GNB4: variants seen among roughly 807,000 people sequenced by gnomAD.
The protein encoded by GNB4 is guanine nucleotide-binding protein subunit beta-4.
Under a neutral mutation model 45.2 loss-of-function variants are expected in GNB4, and 28 were observed. That is an observed-to-expected ratio of 0.62 (90% CI 0.46 to 0.85). The LOEUF (loss-of-function observed/expected upper bound fraction) is 0.85, where lower values mean the gene tolerates loss of function less well. GNB4 is among the 40% of genes least tolerant of loss of function. The pLI is 0.00. For synonymous variants in GNB4, 132 were observed against 143.7 expected (o/e 0.92, Z 0.58); for missense variants, 321 against 425.4 (o/e 0.75, Z 2.16).
chr3:179,514,922 G>C, the GNB4 span, among the ~76,000 whole-genome samples: 1 of 152,172 alleles, frequency 6.6e-6, no homozygotes, highest in Non-Finnish European at 1.5e-5. Flanking sequence ...CTAAAGAATA[G>C]GCTTTAGAAT....
At chr3:179,521,448 T>C in the GNB4 span, among the ~76,000 whole-genome samples, 1 of 152,212 alleles carries the variant, frequency 6.6e-6, no homozygotes, top group Admixed American at 6.5e-5. Context: ...GATGCTCCTT[T>C]TTATTAGGCC....
intron 4 of GNB4, among the ~76,000 whole-genome samples, chr3:179,418,367 G>C (rs1714864166): frequency 6.7e-6 from 1 of 150,206 alleles, no homozygotes; most frequent in African/African-American, 2.5e-5. Context: ...CTACTTGGGA[G>C]GCTGAAGCAG....
chr3:179,490,787 A>C, the GNB4 span, among the ~76,000 whole-genome samples: 29 of 152,250 alleles, frequency 1.9e-4, no homozygotes, highest in African/African-American at 6.3e-4. Context: ...CACTGAGTCC[A>C]CTCAGATGCA....
intron 2 of GNB4, among the ~76,000 whole-genome samples, chr3:179,423,108 T>C (rs567207546): frequency 6.6e-6 from 1 of 152,208 alleles, no homozygotes; most frequent in East Asian, 1.9e-4. Context: ...TTTTTAAATA[T>C]AGTGTGACAA....
the GNB4 span, among the ~76,000 whole-genome samples, chr3:179,489,046 A>ATATATATATATATT: frequency 9.3e-3 from 358 of 38,640 alleles, 18 homozygotes; most frequent in South Asian, 0.02. Context: ...ATATATATAT[A>ATATATATATATATT]ATATATATGT....
chr3:179,514,211 C>G, the GNB4 span, among the ~76,000 whole-genome samples: 2 of 152,154 alleles, frequency 1.3e-5, no homozygotes, highest in African/African-American at 4.8e-5. Context: ...ACAGGTGTCC[C>G]AGAAGAAGCT....
At chr3:179,498,321 G>T in the GNB4 span, among the ~76,000 whole-genome samples, 2 of 152,206 alleles carry the variant, frequency 1.3e-5, no homozygotes. Context: ...TGGTCAGAGG[G>T]AGAAGTTAAA....
the GNB4 span, among the ~76,000 whole-genome samples, chr3:179,526,904 C>G: frequency 6.6e-6 from 1 of 152,142 alleles, no homozygotes; most frequent in Admixed American, 6.5e-5. Flanking sequence ...TTAACAGCAA[C>G]AAAAATTAAT....
chr3:179,449,534 A>G (rs1715817229), intron 1 of GNB4, among the ~76,000 whole-genome samples: 1 of 152,224 alleles, frequency 6.6e-6, no homozygotes, highest in African/African-American at 2.4e-5. Context: ...CTTTGGAAAC[A>G]GAGGGGTCTT....
At chr3:179,402,498 A>C (rs1452456333) in intron 9 of GNB4, among the ~76,000 whole-genome samples, 2 of 152,224 alleles carry the variant, frequency 1.3e-5, no homozygotes, top group Non-Finnish European at 2.9e-5. Context: ...GAGGTTGTAG[A>C]AAATTATTCC....
intron 9 of GNB4, among the ~76,000 whole-genome samples, chr3:179,404,615 A>G (rs868349801): frequency 1.3e-5 from 2 of 152,326 alleles, no homozygotes; most frequent in Middle Eastern, 6.8e-3. Flanking sequence ...GTTGGGGATG[A>G]AGCAACTGCT....
chr3:179,487,444 C>T, the GNB4 span, among the ~76,000 whole-genome samples: 24 of 152,124 alleles, frequency 1.6e-4, no homozygotes, highest in Non-Finnish European at 2.4e-4. Flanking sequence ...AAGGGAACCC[C>T]GGAGAAACCT....
the GNB4 span, among the ~76,000 whole-genome samples, chr3:179,502,818 A>G: frequency 6.6e-6 from 1 of 152,126 alleles, no homozygotes; most frequent in Non-Finnish European, 1.5e-5. Flanking sequence ...TCCCATGTAT[A>G]TGCATTTGTT....
At chr3:179,511,881 A>G in the GNB4 span, among the ~76,000 whole-genome samples, 1 of 152,156 alleles carries the variant, frequency 6.6e-6, no homozygotes, top group African/African-American at 2.4e-5. Context: ...TGAAAATAGA[A>G]AGGCTCTACA....
chr3:179,399,638 A>G lies in GNB4; in HGVS notation c.*1575T>C, dbSNP rs1191657164. 6.6e-6 allele frequency: 1 copy of G among 152,238 alleles called. No homozygotes were observed. Among genetic ancestry groups the G allele is most frequent in the Non-Finnish European group, 1.5e-5 (1 of 68,044 alleles). 9.4% of individuals were successfully genotyped at this position (152,238 alleles called of 1,614,324 possible). A position where few individuals can be genotyped will look rare whatever the true frequency, so the allele number is the denominator to read the frequency against. ...CTAATTGTCAACTGATTTTAATAAA[A>G]CTGATACATCTTTACAGTTGATGCA... On this transcript the variant is annotated 3_prime_UTR_variant, in exon 10 of 10. Coordinates refer to ENST00000232564, the MANE Select transcript of GNB4 (RefSeq NM_021629.4).
chr3:179,503,169 T>G, the GNB4 span, among the ~76,000 whole-genome samples: 1 of 152,236 alleles, frequency 6.6e-6, no homozygotes, highest in East Asian at 1.9e-4. Context: ...CATTCCACTG[T>G]ATGTATATTT....
In GNB4 at chr3:179,397,517, GTCTAAAATGAA is replaced by G. The variant is rs749149442; in HGVS notation, c.*3685_*3695del. The G allele has an allele frequency of 4.6e-5, 7 of 152,470 alleles. No individual in the cohort carries two copies. Among genetic ancestry groups the G allele is most frequent in the African/African-American group, 7.2e-5 (3 of 41,408 alleles). The allele number at this position is 152,470 out of a possible 1,614,324, so 9.4% of individuals were successfully genotyped here. ...TCATGCAATCGCTGAGGTCATATGA[GTCTAAAATGAA>G]GGGAATTGCTGAACAGGCCCTTTTG... On this transcript the variant is annotated 3_prime_UTR_variant, in exon 10 of 10. Transcript: ENST00000232564.
chr3:179,436,890 A>G (rs1715466256), intron 1 of GNB4, among the ~76,000 whole-genome samples: 1 of 152,208 alleles, frequency 6.6e-6, no homozygotes, highest in South Asian at 2.1e-4. Flanking sequence ...AACTGAAGGT[A>G]GGCTGTTTTG....
At chr3:179,452,682 A>G (rs2108627785), upstream of GNB4, among the ~76,000 whole-genome samples, 1 of 152,250 alleles carries the variant, frequency 6.6e-6, no homozygotes, top group East Asian at 1.9e-4. Flanking sequence ...AAATAGAAGC[A>G]GCTGTTTCTA....
Sources: allele counts gnomAD v4.1 joint callset (sites outside exome capture counted in the v4.1 genomes callset), GRCh38; gene constraint gnomAD v4.1.1; transcripts MANE v1.5; gene names NCBI Gene and HGNC (gene_info 2026-07-23, HGNC 2026-07-21).